PCDHGB7: variants seen among roughly 807,000 people sequenced by gnomAD.
PCDHGB7 encodes protocadherin gamma-B7.
Under a neutral mutation model 61.4 loss-of-function variants are expected in PCDHGB7, and 37 were observed. That is an observed-to-expected ratio of 0.60 (90% confidence interval 0.46 to 0.79). The LOEUF is 0.79. PCDHGB7 is among the 30% of genes least tolerant of loss of function. The pLI is 0.00. For synonymous variants in PCDHGB7, 464 were observed against 503.5 expected (o/e 0.92, Z 1.05); for missense variants, 1,166 against 1,202.5 (o/e 0.97, Z 0.45).
At chr5:141,421,461 G>C (rs1216014695) in intron 1 of PCDHGB7, 2 of 1,614,034 alleles carry the variant, frequency 1.2e-6, no homozygotes, top group Non-Finnish European at 8.5e-7. Context: ...TTTTCGCTGT[G>C]AATCCGCGAA....
chr5:141,469,436 G>A (rs556417221), intron 1 of PCDHGB7, among the ~76,000 whole-genome samples: 11 of 152,118 alleles, frequency 7.2e-5, no homozygotes, highest in East Asian at 1.9e-4. Flanking sequence ...TTAGCTGGGC[G>A]TGGTGGTGCA....
chr5:141,421,216 T>G, intron 1 of PCDHGB7: 1 of 1,567,154 alleles, frequency 6.4e-7, no homozygotes, highest in Non-Finnish European at 8.6e-7. Flanking sequence ...GAATATCGGC[T>G]TAGAGCCTGC....
rs1562187768 is a variant in PCDHGB7, at chr5:141,499,029, A to AAGG, written c.2474+4165_2474+4166insGGA. 5.0e-3 allele frequency among the ~76,000 whole-genome samples: 706 copies of AAGG among 140,066 alleles called. 6 individuals carry two copies. Among genetic ancestry groups the AAGG allele is most frequent in the African/African-American group, 0.019 (683 of 36,064 alleles). The allele number at this position is 140,066 out of a possible 152,430, so 91.9% of individuals were successfully genotyped here. A position where few individuals can be genotyped will look rare whatever the true frequency, so the allele number is the denominator to read the frequency against. ...GGAAGGAAGGAAGGAAGGAAGGAAG[A>AAGG]AAAGAAAGAAAAAGGGAGAAAAAAT... On this transcript the variant is annotated intron_variant, in intron 2 of 3. Transcript: ENST00000398594.
Position 141,420,738 on chromosome 5 carries a change from T to C in PCDHGB7, c.2415+464T>C, listed in dbSNP as rs550966989. 1.5e-4 allele frequency among the ~76,000 whole-genome samples: 23 copies of C among 152,358 alleles called. 1 individual carries two copies. In the South Asian group the frequency reaches 4.6e-3, roughly 30 times the overall value. ...GTTCCTTTCAGTCGGTTAAAATCAA[T>C]TGGAACCAACTACAACCTACAAGTT... On this transcript the variant is annotated intron_variant, in intron 1 of 3. Transcript: ENST00000398594.
intron 2 of PCDHGB7, 40 bp from the exon 3 acceptor site, chr5:141,505,353 G>T (rs376781305): frequency 1.7e-5 from 27 of 1,613,426 alleles, no homozygotes; most frequent in Non-Finnish European, 2.0e-5. Flanking sequence ...GAGCTGTGCC[G>T]GCCTGGGAGT....
In PCDHGB7 at chr5:141,476,653, C is replaced by T; in HGVS notation, c.2416-18154C>T. ...CCTATGAGCTGAGCCGAAATGAATA[C>T]TTTGCGCTTCGCGTGCAGACGCGGG... is the stretch of plus-strand genomic sequence containing the variant. On this transcript the variant is annotated intron_variant, in intron 1 of 3. Transcript: ENST00000398594. The surrounding 1 kb of genome is among the most constrained non-coding windows in gnomAD (Gnocchi z 7.6). 6.2e-7 allele frequency: 1 copy of T among 1,614,270 alleles called. No individual in the cohort carries two copies. The highest frequency in any genetic ancestry group is 8.5e-7 in the Non-Finnish European group (1 of 1,180,058).
chr5:141,452,678 C>T (rs1311364057), intron 1 of PCDHGB7, among the ~76,000 whole-genome samples: 1 of 150,100 alleles, frequency 6.7e-6, no homozygotes, highest in African/African-American at 2.5e-5. Flanking sequence ...GCCTAGGCCA[C>T]AGAATGAAAC....
chr5:141,450,251 C>T (rs2154563018), intron 1 of PCDHGB7, among the ~76,000 whole-genome samples: 1 of 152,200 alleles, frequency 6.6e-6, no homozygotes. Context: ...CTCCTGACCT[C>T]AAGTGATCTG....
At chr5:141,509,106 A>T (rs1159119530) in intron 3 of PCDHGB7, among the ~76,000 whole-genome samples, 1 of 152,102 alleles carries the variant, frequency 6.6e-6, no homozygotes, top group Non-Finnish European at 1.5e-5. Flanking sequence ...TAGAAACCTG[A>T]GCGCTGGTGC....
At chr5:141,460,981 GTGTA>G (rs1315974712) in intron 1 of PCDHGB7, among the ~76,000 whole-genome samples, 3 of 121,894 alleles carry the variant, frequency 2.5e-5, no homozygotes, top group Non-Finnish European at 5.1e-5. Context: ...GTGTGTGTGT[GTGTA>G]TATATATATA....
At chr5:141,500,618 C>A (rs554274946) in intron 2 of PCDHGB7, among the ~76,000 whole-genome samples, 27 of 152,260 alleles carry the variant, frequency 1.8e-4, no homozygotes, top group African/African-American at 6.5e-4. Context: ...CCCAGTCATA[C>A]GGTACATTTC....
intron 1 of PCDHGB7, among the ~76,000 whole-genome samples, chr5:141,444,150 GGATTT>G (rs2098419598): frequency 1.8e-5 from 2 of 114,012 alleles, no homozygotes; most frequent in Non-Finnish European, 3.5e-5. Flanking sequence ...TGTGTGTACT[GGATTT>G]TTTTTTTTTT....
rs1419377760 is a variant in PCDHGB7 at position 141,418,687 on chromosome 5, GATCACTT to G, written c.831_837del (p.Thr278ProfsTer23). ...ACCAGGACGAGGGCATCAACTCAGA[GATCACTT>G]ATTCCTTCTTTGGTGTGGCTGACAA... On this transcript the variant is annotated frameshift_variant, in exon 1 of 4. Transcript: ENST00000398594. LOFTEE classifies it high-confidence loss of function. 6 of 1,613,928 alleles carry G rather than the reference GATCACTT, an allele frequency of 3.7e-6. No individual in the cohort carries two copies. In the African/African-American group the frequency reaches 8.0e-5, roughly 22 times the overall value.
Position 141,418,699 on chromosome 5 carries a change from C to A in PCDHGB7, c.840C>A (p.Ser280=). 1 of 1,614,014 alleles carries A rather than the reference C, an allele frequency of 6.2e-7. No individual in the cohort carries two copies. Among genetic ancestry groups the A allele is most frequent in the Non-Finnish European group, 8.5e-7 (1 of 1,179,884 alleles). The stretch of plus-strand genomic sequence containing the variant: ...GCATCAACTCAGAGATCACTTATTC[C>A]TTCTTTGGTGTGGCTGACAAAGCTC... ...DEGINSEITY[S]FFGVADKAQH... The change falls in exon 1 of 4, where the codon TCC becomes TCA. Residue 280 remains serine (S), a synonymous_variant. Transcript: ENST00000398594.
In PCDHGB7 at chr5:141,485,990, C is replaced by T. The variant is rs1285988124; in HGVS notation, c.2416-8817C>T. 2.5e-6 allele frequency: 4 copies of T among 1,614,168 alleles called. No homozygotes were observed. The stretch of plus-strand genomic sequence containing the variant: ...CAATGCCTCAGACCCGGACCTGGGT[C>T]CCAGTGGTAACGTCACCTTTTATTT... On this transcript the variant is annotated intron_variant, in intron 1 of 3. Coordinates refer to ENST00000398594, the MANE Select transcript of PCDHGB7 (RefSeq NM_018927.4). This position sits in a 1 kb window ranked among gnomAD's most constrained non-coding sequence, Gnocchi z 5.7.
Position 141,431,980 on chromosome 5 carries a change from C to G in PCDHGB7, c.2415+11706C>G. The G allele has an allele frequency of 6.2e-7, 1 of 1,614,214 alleles. No homozygotes were observed. The highest frequency in any genetic ancestry group is 8.5e-7 in the Non-Finnish European group (1 of 1,180,024). ...GAAATTACTATAGTTTAGTCACAGACATAGTCTTGGATAGGGAACAGGTTC... is the reference window on the plus strand; with the variant it reads ...GAAATTACTATAGTTTAGTCACAGAGATAGTCTTGGATAGGGAACAGGTTC... On this transcript the variant is annotated intron_variant, in intron 1 of 3. Transcript: ENST00000398594. The surrounding 1 kb of genome is among the most constrained non-coding windows in gnomAD (Gnocchi z 4.8).
At chr5:141,435,391 A>C (rs1328617100) in intron 1 of PCDHGB7, among the ~76,000 whole-genome samples, 5 of 152,202 alleles carry the variant, frequency 3.3e-5, no homozygotes, top group African/African-American at 1.2e-4. Flanking sequence ...CCGTATTGCC[A>C]TGACGAAAAA....
intron 1 of PCDHGB7, among the ~76,000 whole-genome samples, chr5:141,484,369 G>A (rs1218433750): frequency 6.6e-6 from 1 of 152,164 alleles, no homozygotes; most frequent in Non-Finnish European, 1.5e-5. Flanking sequence ...TGTATCACTA[G>A]CAAATGTCTG....
chr5:141,502,516 A>G (rs947349505), intron 2 of PCDHGB7, among the ~76,000 whole-genome samples: 1 of 152,146 alleles, frequency 6.6e-6, no homozygotes, highest in African/African-American at 2.4e-5. Flanking sequence ...TCCCACTATC[A>G]GTGATGCCGA....
Sources: allele counts gnomAD v4.1 joint callset (sites outside exome capture counted in the v4.1 genomes callset), GRCh38; gene constraint gnomAD v4.1.1; non-coding constraint Gnocchi (gnomAD v3.1); transcripts MANE v1.5; gene names NCBI Gene and HGNC (gene_info 2026-07-23, HGNC 2026-07-21).